The following ARGFX variants were observed in gnomAD, a reference collection of about 807,000 sequenced individuals.
ARGFX encodes arginine-fifty homeobox.
Under a neutral mutation model 8.0 loss-of-function variants are expected in ARGFX, and 10 were observed. The observed-to-expected ratio is 1.25, with a 90% CI of 0.77 to 2.12. ARGFX has a LOEUF of 2.12. ARGFX is among the 30% of genes most tolerant of loss of function. The pLI, the probability that ARGFX is intolerant of heterozygous loss-of-function variation, is 0.00. For synonymous variants in ARGFX, 116 were observed against 117.8 expected (o/e 0.98, Z 0.10); for missense variants, 282 against 324.3 (o/e 0.87, Z 1.00).
chr3:121,584,268 A>G (rs565534070), intron 3 of ARGFX, among the ~76,000 whole-genome samples: 4 of 150,662 alleles, frequency 2.7e-5, no homozygotes, highest in African/African-American at 4.9e-5. Context: ...GGAAGGAAGG[A>G]AAGAAAAGAA....
At chr3:121,582,370 G>A (rs573927216) in intron 3 of ARGFX, among the ~76,000 whole-genome samples, 193 of 152,160 alleles carry the variant, frequency 1.3e-3, no homozygotes, top group Non-Finnish European at 1.5e-3. Flanking sequence ...AAAAGAACAG[G>A]CTCAGAATAT....
Position 121,580,341 on chromosome 3 carries a change from C to T in ARGFX, c.220+3441C>T, listed in dbSNP as rs539633066. ...TATTTTTAGTAGAGATGGAGTTTCA[C>T]CATGTTGGTCAGGCTGGTCTCGAAC... On this transcript the variant is annotated intron_variant, in intron 3 of 4. Transcript: ENST00000334384. 6.6e-5 allele frequency among the ~76,000 whole-genome samples: 10 copies of T among 151,778 alleles called. 1 individual carries two copies. The South Asian group carries it at 2.1e-3, about 32-fold the overall frequency.
intron 3 of ARGFX, among the ~76,000 whole-genome samples, chr3:121,577,230 TATATATATATATATATATATATATA>T (rs2048744488): frequency 1.6e-5 from 1 of 64,444 alleles, no homozygotes; most frequent in South Asian, 5.8e-4. Context: ...CATGTACATA[TATATATATATATATATATATATATA>T]TATATTTTTT....
chr3:121,577,087 G>A (rs2108836124), intron 3 of ARGFX, among the ~76,000 whole-genome samples, 187 bp downstream of exon 3: 1 of 150,152 alleles, frequency 6.7e-6, no homozygotes, highest in African/African-American at 2.4e-5. Context: ...TCCTCTCTGA[G>A]GTTGTCATTA....
rs1162081000 is a variant in ARGFX, at chr3:121,589,437, G to A, written c.*2837G>A. On this transcript the variant is annotated 3_prime_UTR_variant, in exon 5 of 5. Transcript: ENST00000334384. Reference sequence around the variant, plus strand: ...GGAGTCTTGCTCTGTCACCCAGGCCGTGCAATCTCGGCTCACTGCAACCTC... The same window carrying A: ...GGAGTCTTGCTCTGTCACCCAGGCCATGCAATCTCGGCTCACTGCAACCTC... Among the ~76,000 whole-genome samples the A allele has an allele frequency of 1.9e-4, 29 of 151,062 alleles. No homozygotes were observed. Among genetic ancestry groups the A allele is most frequent in the Admixed American group, 1.7e-3 (26 of 15,074 alleles).
At chr3:121,576,707 T>TTTCTTTTC (rs1553834276) in intron 2 of ARGFX, 77 bp from the exon 3 acceptor site, 4 of 249,036 alleles carry the variant, frequency 1.6e-5, no homozygotes, top group East Asian at 1.7e-4. Context: ...CTTTCTTTCT[T>TTTCTTTTC]TTTCTTTCTT....
chr3:121,573,600 A>T lies in ARGFX; in HGVS notation c.103+2784A>T, dbSNP rs571663029. On this transcript the variant is annotated intron_variant, in intron 2 of 4. Transcript: ENST00000334384. ...TACAAAACTAGAACTCAACAACAATAAAAAAAATCCAATTAAAAATGGGCA... is the reference window on the plus strand; with the variant it reads ...TACAAAACTAGAACTCAACAACAATTAAAAAAATCCAATTAAAAATGGGCA... Among the ~76,000 whole-genome samples, 34 of 151,362 alleles carry T rather than the reference A, an allele frequency of 2.2e-4. No homozygotes were observed. In the East Asian group the frequency reaches 5.2e-3, roughly 23 times the overall value.
chr3:121,570,753 C>T lies in ARGFX; in HGVS notation c.40C>T (p.Pro14Ser), dbSNP rs2048703264. ...GGCCCCAGAGAATCCCCAGCCAGAC[C>T]CTTTCATCAATAGGAATTATTCCAA... ...RMAPENPQPDPFINRNYSNMK... is the reference protein window; with the variant it reads ...RMAPENPQPDSFINRNYSNMK... The change falls in exon 2 of 5, where the codon CCT (proline) becomes TCT (serine). Residue 14 changes from proline to serine, a missense_variant. Physicochemically the swap from Pro to Ser is moderately conservative, Grantham distance 74. Coordinates refer to ENST00000334384, the MANE Select transcript of ARGFX (RefSeq NM_001012659.2). 1.9e-6 allele frequency: 3 copies of T among 1,610,328 alleles called. No homozygotes were observed. The highest frequency in any genetic ancestry group is 1.3e-5 in the African/African-American group (1 of 74,736).
At position 121,586,153 on chromosome 3, in the gene ARGFX, T is replaced by A. The variant is rs750440202; in HGVS notation, c.501T>A (p.Ala167=). The A allele has an allele frequency of 6.2e-7, 1 of 1,613,862 alleles. No individual in the cohort carries two copies. Among genetic ancestry groups the A allele is most frequent in the Non-Finnish European group, 8.5e-7 (1 of 1,180,010 alleles). The change falls in exon 5 of 5, where the codon GCT becomes GCA. Residue 167 remains alanine, a synonymous_variant. Transcript: ENST00000334384. The part of the protein sequence containing the change: ...TSPRTSPSPY[A]FSPVISDFYS... ...CCAGAACATCCCCCAGTCCTTATGC[T>A]TTTTCTCCTGTGATTTCAGATTTCT...
rs139056419 is a variant in ARGFX at position 121,568,030 on chromosome 3, G to C, written c.-13+17G>C. ...TCGTGACAGGTAAGCATGGGGGAGC[G>C]GGGAGGGTAGCCAGAATGTGGGGCT... On this transcript the variant is annotated intron_variant, in intron 1 of 4. Transcript: ENST00000334384. Among the ~76,000 whole-genome samples the C allele has an allele frequency of 6.6e-6, 1 of 152,102 alleles. No homozygotes were observed. The highest frequency in any genetic ancestry group is 2.1e-4 in the South Asian group (1 of 4,830).
intron 2 of ARGFX, among the ~76,000 whole-genome samples, chr3:121,574,952 T>G (rs935281804): frequency 1.3e-5 from 2 of 152,222 alleles, no homozygotes; most frequent in African/African-American, 4.8e-5. Flanking sequence ...ACCAAATGTA[T>G]GTACAAATTA....
chr3:121,580,568 G>C (rs900411470), intron 3 of ARGFX, among the ~76,000 whole-genome samples: 2 of 32,000 alleles, frequency 6.3e-5, no homozygotes, highest in Non-Finnish European at 1.3e-4. Context: ...ATAAAGAAAA[G>C]TGTGTGTGTG....
rs1284544897 is a variant in ARGFX, at chr3:121,586,500, C to T, written c.848C>T (p.Thr283Ile). 1 of 1,614,172 alleles carries T rather than the reference C, an allele frequency of 6.2e-7. No homozygotes were observed. The highest frequency in any genetic ancestry group is 8.5e-7 in the Non-Finnish European group (1 of 1,180,028). ...GCTGTAGGCCTATCTCCTGCACAAA[C>T]CTGGCCCAATATGACAAGCCAAGCC... is the stretch of plus-strand genomic sequence containing the variant. ...GPAVGLSPAQ[T>I]WPNMTSQAFE... The change falls in exon 5 of 5, where the codon ACC (threonine) becomes ATC (isoleucine). Residue 283 changes from threonine (T) to isoleucine (I), a missense_variant. Transcript: ENST00000334384.
chr3:121,590,205 T>A lies in ARGFX; in HGVS notation c.*3605T>A, dbSNP rs2048836456. Among the ~76,000 whole-genome samples the A allele has an allele frequency of 6.6e-6, 1 of 152,188 alleles. No individual in the cohort carries two copies. The highest frequency in any genetic ancestry group is 2.1e-4 in the South Asian group (1 of 4,826). On this transcript the variant is annotated 3_prime_UTR_variant, in exon 5 of 5. Transcript: ENST00000334384. The stretch of plus-strand genomic sequence containing the variant: ...TCCTAGGAAGACACAGAATACCAAA[T>A]CTGACTCCACAAGAAATAGATGTTG...
chr3:121,571,054 G>A (rs937296054), intron 2 of ARGFX, among the ~76,000 whole-genome samples: 15 of 152,196 alleles, frequency 9.9e-5, no homozygotes, highest in Admixed American at 8.5e-4. Context: ...AAGTGAGCAT[G>A]TTTTTCTAGG....
intron 2 of ARGFX, among the ~76,000 whole-genome samples, chr3:121,576,066 G>A (rs2048734071): frequency 6.6e-6 from 1 of 151,912 alleles, no homozygotes. Flanking sequence ...TGAAAACTGA[G>A]ACCCTCCACG....
In ARGFX at chr3:121,588,353, C is replaced by G. The variant is rs1023403210; in HGVS notation, c.*1753C>G. Among the ~76,000 whole-genome samples, 2 of 148,928 alleles carry G rather than the reference C, an allele frequency of 1.3e-5. No individual in the cohort carries two copies. The highest frequency in any genetic ancestry group is 1.5e-5 in the Non-Finnish European group (1 of 67,322). ...AAAAGCCAGGCATGGTGGCACACAC[C>G]TGTAATCCCAGCTACTCGGGAGGCT... is the stretch of plus-strand genomic sequence containing the variant. On this transcript the variant is annotated 3_prime_UTR_variant, in exon 5 of 5. Transcript: ENST00000334384.
chr3:121,579,945 C>CTTTTTTTTTTTT lies in ARGFX; in HGVS notation c.220+3060_220+3071dup, dbSNP rs1174620508. 1.7e-3 allele frequency among the ~76,000 whole-genome samples: 154 copies of CTTTTTTTTTTTT among 91,554 alleles called. 8 individuals are homozygous for CTTTTTTTTTTTT. Among genetic ancestry groups the CTTTTTTTTTTTT allele is most frequent in the Non-Finnish European group, 2.3e-3 (109 of 47,882 alleles). The allele number at this position is 91,554 out of a possible 152,430, so 60.1% of individuals were successfully genotyped here. ...CTTTCTTTTTCTTTTCTTTTCTTTT[C>CTTTTTTTTTTTT]TTTTTTTTTTTTTTTTTTTTTTTTT... On this transcript the variant is annotated intron_variant, in intron 3 of 4. Transcript: ENST00000334384.
intron 3 of ARGFX, among the ~76,000 whole-genome samples, chr3:121,579,282 G>A (rs1246899581): frequency 1.3e-5 from 2 of 152,176 alleles, no homozygotes; most frequent in South Asian, 2.1e-4. Flanking sequence ...AATTATTGAA[G>A]TATTTGTAAC....
Sources: gnomAD v4.1 joint callset for allele counts (sites outside exome capture counted in the v4.1 genomes callset) on GRCh38, gnomAD v4.1.1 for gene constraint, MANE v1.5 for transcripts, NCBI Gene and HGNC (gene_info 2026-07-23, HGNC 2026-07-21) for gene names.